The following CIRSR variants were observed in gnomAD, a reference collection of about 807,000 sequenced individuals.
The protein encoded by CIRSR is CBF1 (RBPJ) interacting corepressor 1.
At chr2:174,369,993 C>G in the CIRSR span, 2 of 1,365,252 alleles carry the variant, frequency 1.5e-6, no homozygotes, top group Non-Finnish European at 2.0e-6. Context: ...TTACCAGAAA[C>G]CTTCAATTTG....
the CIRSR span, among the ~76,000 whole-genome samples, chr2:174,393,926 T>C: frequency 6.6e-6 from 1 of 152,138 alleles, no homozygotes; most frequent in African/African-American, 2.4e-5. Flanking sequence ...GGTCACCCCC[T>C]CTCCCCATAA....
At chr2:174,349,127 T>A in the CIRSR span, 1 of 1,499,864 alleles carries the variant, frequency 6.7e-7, no homozygotes, top group Middle Eastern at 2.1e-4. Flanking sequence ...ACTTTTTCTT[T>A]TTTCTATCTT....
chr2:174,365,644 C>T, the CIRSR span, among the ~76,000 whole-genome samples: 1 of 152,190 alleles, frequency 6.6e-6, no homozygotes, highest in African/African-American at 2.4e-5. Context: ...TGGCAGCAGG[C>T]AAAGAGAGAA....
At chr2:174,386,792 A>C in the CIRSR span, among the ~76,000 whole-genome samples, 4 of 152,338 alleles carry the variant, frequency 2.6e-5, no homozygotes, top group South Asian at 8.3e-4. Context: ...CTGTTAACCT[A>C]AATGGAATTA....
the CIRSR span, among the ~76,000 whole-genome samples, chr2:174,360,177 G>A: frequency 1.3e-5 from 2 of 152,310 alleles, no homozygotes; most frequent in East Asian, 1.9e-4. Flanking sequence ...ACTGCACGTT[G>A]TGCACATGCA....
chr2:174,348,855 G>T, the CIRSR span: 1 of 1,614,002 alleles, frequency 6.2e-7, no homozygotes, highest in African/African-American at 1.3e-5. Context: ...CTTTTCCTTG[G>T]CTTTTTCCCG....
At chr2:174,366,410 G>A in the CIRSR span, among the ~76,000 whole-genome samples, 3 of 152,174 alleles carry the variant, frequency 2.0e-5, no homozygotes, top group African/African-American at 7.2e-5. Flanking sequence ...CATTCACACT[G>A]TGAAAAAATC....
At chr2:174,374,494 T>C in the CIRSR span, among the ~76,000 whole-genome samples, 1 of 152,226 alleles carries the variant, frequency 6.6e-6, no homozygotes, top group African/African-American at 2.4e-5. Context: ...CTGGCTGATG[T>C]GCAAGATGTC....
chr2:174,390,566 T>A, the CIRSR span, among the ~76,000 whole-genome samples: 1 of 152,168 alleles, frequency 6.6e-6, no homozygotes, highest in Non-Finnish European at 1.5e-5. Flanking sequence ...CTTTGGTTGT[T>A]AAGGGCAGGA....
the CIRSR span, among the ~76,000 whole-genome samples, chr2:174,388,447 T>C: frequency 2.0e-5 from 3 of 152,188 alleles, no homozygotes; most frequent in Non-Finnish European, 4.4e-5. Context: ...GCAATCCGCC[T>C]GCCTCAGCCT....
At chr2:174,351,855 G>A in the CIRSR span, 1 of 548,196 alleles carries the variant, frequency 1.8e-6, no homozygotes, top group Non-Finnish European at 3.1e-6. Flanking sequence ...ATCTTCTGCT[G>A]AGCAAATAAT....
At chr2:174,359,350 AAAG>A in the CIRSR span, among the ~76,000 whole-genome samples, 8 of 150,596 alleles carry the variant, frequency 5.3e-5, no homozygotes, top group Non-Finnish European at 8.8e-5. Flanking sequence ...AAAAAAAAAA[AAAG>A]AGATTTTAAA....
the CIRSR span, among the ~76,000 whole-genome samples, chr2:174,368,462 TATAA>T: frequency 6.6e-6 from 1 of 152,140 alleles, no homozygotes; most frequent in East Asian, 1.9e-4. Flanking sequence ...AAAACACACT[TATAA>T]ATAAACACAG....
the CIRSR span, chr2:174,380,509 A>C: frequency 5.2e-6 from 4 of 772,394 alleles, no homozygotes; most frequent in East Asian, 1.1e-4. Context: ...TTAGTTGAAT[A>C]AGACAGCTAA....
the CIRSR span, chr2:174,349,150 TC>T: frequency 2.0e-6 from 3 of 1,466,490 alleles, no homozygotes; most frequent in Non-Finnish European, 2.7e-6. Context: ...TTCTTTTTTT[TC>T]TTCTCCAGTC....
At chr2:174,358,968 A>G in the CIRSR span, among the ~76,000 whole-genome samples, 13 of 152,194 alleles carry the variant, frequency 8.5e-5, no homozygotes, top group Non-Finnish European at 1.3e-4. Flanking sequence ...TGCTGGGATT[A>G]CAGGCGTGGG....
At chr2:174,352,790 T>C in the CIRSR span, among the ~76,000 whole-genome samples, 2 of 152,210 alleles carry the variant, frequency 1.3e-5, no homozygotes, top group Non-Finnish European at 2.9e-5. Flanking sequence ...CTCCAGCTGA[T>C]GTGTCTGTCA....
At chr2:174,348,825 T>C in the CIRSR span, 1 of 1,614,230 alleles carries the variant, frequency 6.2e-7, no homozygotes, top group South Asian at 1.1e-5. Context: ...CCTAGAACTC[T>C]CGTGTTTTAA....
the CIRSR span, among the ~76,000 whole-genome samples, chr2:174,357,633 A>G: frequency 6.6e-6 from 1 of 152,322 alleles, no homozygotes; most frequent in Admixed American, 6.5e-5. Flanking sequence ...ACTAAATGTA[A>G]AAAGGACAGT....
Sources: gnomAD v4.1 joint callset for allele counts (sites outside exome capture counted in the v4.1 genomes callset) on GRCh38, gnomAD v4.1.1 for gene constraint, MANE v1.5 for transcripts, NCBI Gene and HGNC (gene_info 2026-07-23, HGNC 2026-07-21) for gene names.